ADCY2: variants seen among roughly 807,000 people sequenced by gnomAD.
ADCY2 encodes the protein adenylate cyclase 2, also known as adenylate cyclase type 2.
ADCY2 carries 31 observed loss-of-function variants against 125.2 expected under a neutral mutation model. That is an observed-to-expected ratio of 0.25 (90% CI 0.19 to 0.33). ADCY2 has a LOEUF of 0.33. Among genes scored for constraint, ADCY2 ranks in the 10% least tolerant of loss-of-function variants. The pLI is 1.00. For missense variants in ADCY2, 904 were observed against 1,418.2 expected, an observed-to-expected ratio of 0.64 and a Z score of 5.82; for synonymous variants, 512 against 548.4, an observed-to-expected ratio of 0.93 and a Z score of 0.93.
intron 2 of ADCY2, among the ~76,000 whole-genome samples, chr5:7,507,845 A>G (rs185434110): frequency 5.8e-4 from 88 of 152,252 alleles, no homozygotes; most frequent in Non-Finnish European, 9.8e-4. Context: ...ACTTCAGCAG[A>G]TCATGGCCTC....
chr5:7,481,209 T>C (rs1344052792), intron 2 of ADCY2, among the ~76,000 whole-genome samples: 1 of 152,158 alleles, frequency 6.6e-6, no homozygotes, highest in East Asian at 1.9e-4. Context: ...CACTGCAGTT[T>C]TGATTTGCAT....
chr5:7,462,033 G>A (rs1168119199), intron 2 of ADCY2, among the ~76,000 whole-genome samples: 1 of 152,154 alleles, frequency 6.6e-6, no homozygotes, highest in East Asian at 1.9e-4. Flanking sequence ...TGAGAAGTGA[G>A]GATGAACGCT....
chr5:7,446,971 C>T (rs1265839981), intron 2 of ADCY2, among the ~76,000 whole-genome samples: 1 of 152,190 alleles, frequency 6.6e-6, no homozygotes, highest in Non-Finnish European at 1.5e-5. Context: ...TCCACAGACC[C>T]TGCCCTCTCA....
At chr5:7,707,424 GA>G (rs1378216995) in intron 8 of ADCY2, among the ~76,000 whole-genome samples, 1 of 152,144 alleles carries the variant, frequency 6.6e-6, no homozygotes, top group African/African-American at 2.4e-5. Flanking sequence ...ACATTTCAAA[GA>G]TATTCTCATA....
chr5:7,449,913 A>G (rs1561032421), intron 2 of ADCY2, among the ~76,000 whole-genome samples: 1 of 152,110 alleles, frequency 6.6e-6, no homozygotes, highest in African/African-American at 2.4e-5. Flanking sequence ...CTTTGATATT[A>G]TTTTAAGTGT....
chr5:7,458,218 T>C (rs1327338378), intron 2 of ADCY2, among the ~76,000 whole-genome samples: 3 of 152,162 alleles, frequency 2.0e-5, no homozygotes, highest in African/African-American at 4.8e-5. Context: ...GGGAAAAATA[T>C]ATTCTTAATT....
At chr5:7,701,096 T>A (rs900165312) in intron 7 of ADCY2, among the ~76,000 whole-genome samples, 3 of 151,830 alleles carry the variant, frequency 2.0e-5, no homozygotes, top group African/African-American at 7.3e-5. Context: ...TTGAAAAAAA[T>A]ATATTTTTTT....
intron 4 of ADCY2, among the ~76,000 whole-genome samples, chr5:7,630,496 C>G (rs1392125456): frequency 6.6e-6 from 1 of 152,114 alleles, no homozygotes; most frequent in Non-Finnish European, 1.5e-5. Context: ...GTATCAGACT[C>G]CTATTGCTGC....
At chr5:7,562,149 A>G (rs10475382) in intron 3 of ADCY2, among the ~76,000 whole-genome samples, 56,550 of 151,766 alleles carry the variant, frequency 0.37, 11,255 homozygotes, top group African/African-American at 0.42. Flanking sequence ...CTCAATTTTA[A>G]TATTTGGCGC....
At chr5:7,403,762 A>C (rs867083023) in intron 1 of ADCY2, among the ~76,000 whole-genome samples, 1 of 152,224 alleles carries the variant, frequency 6.6e-6, no homozygotes, top group Non-Finnish European at 1.5e-5. Context: ...TGTTATAGAA[A>C]TTGAGATTCA....
At chr5:7,710,171 C>T (rs1741395223) in intron 10 of ADCY2, among the ~76,000 whole-genome samples, 1 of 152,166 alleles carries the variant, frequency 6.6e-6, no homozygotes, top group African/African-American at 2.4e-5. Context: ...CCTGGGCCCC[C>T]ACCTGTCCCA....
intron 3 of ADCY2, among the ~76,000 whole-genome samples, chr5:7,529,411 G>A (rs1191202962): frequency 6.6e-6 from 1 of 152,192 alleles, no homozygotes; most frequent in Non-Finnish European, 1.5e-5. Context: ...TTCTGTTTTT[G>A]CAGCAATAAT....
At position 7,520,200 on chromosome 5, in the gene ADCY2, G is replaced by A. The variant is rs535469796; in HGVS notation, c.409-538G>A. Reference sequence around the variant, plus strand: ...AGAACTGCTGTGTATGTTTAACTTCGAGGAATTGCCACTCTGAGTTCCCTG... The same window carrying A: ...AGAACTGCTGTGTATGTTTAACTTCAAGGAATTGCCACTCTGAGTTCCCTG... On this transcript the variant is annotated intron_variant, in intron 2 of 24. Coordinates refer to ENST00000338316, the MANE Select transcript of ADCY2 (RefSeq NM_020546.3). Among the ~76,000 whole-genome samples, 7 of 152,204 alleles carry A rather than the reference G, an allele frequency of 4.6e-5. No homozygotes were observed. The East Asian group carries it at 5.8e-4, about 13-fold the overall frequency.
At chr5:7,402,468 C>T (rs1739299838) in intron 1 of ADCY2, among the ~76,000 whole-genome samples, 1 of 152,202 alleles carries the variant, frequency 6.6e-6, no homozygotes, top group Admixed American at 6.5e-5. Flanking sequence ...TCTGCTTATA[C>T]TTCTGTCTCC....
At chr5:7,708,009 T>G (rs2126355021) in intron 9 of ADCY2, 171 bp downstream of exon 9, 1 of 712,800 alleles carries the variant, frequency 1.4e-6, no homozygotes, top group Non-Finnish European at 2.2e-6. Flanking sequence ...AATTATGAAT[T>G]CAAATACTTA....
intron 2 of ADCY2, among the ~76,000 whole-genome samples, chr5:7,513,110 G>C (rs199894229): frequency 0.02 from 1,546 of 78,118 alleles, 8 homozygotes; most frequent in South Asian, 0.044. Context: ...CACACACAGA[G>C]AGAGAGAGAG....
At chr5:7,826,496 T>G in intron 24 of ADCY2, 1 of 664,374 alleles carries the variant, frequency 1.5e-6, no homozygotes, top group Non-Finnish European at 2.7e-6. Context: ...ACTTGAATTT[T>G]AGGTTGTTTC....
chr5:7,481,225 C>T (rs1172696143), intron 2 of ADCY2, among the ~76,000 whole-genome samples: 2 of 152,134 alleles, frequency 1.3e-5, no homozygotes, highest in East Asian at 1.9e-4. Context: ...TGCATTTCTC[C>T]GATAATGAAT....
intron 2 of ADCY2, among the ~76,000 whole-genome samples, chr5:7,430,554 T>TATACTATATATATATAGTATATC (rs1561021445): frequency 8.1e-5 from 12 of 148,010 alleles, no homozygotes; most frequent in African/African-American, 2.7e-4. Flanking sequence ...TATAGTATAT[T>TATACTATATATATATAGTATATC]GATATACTAT....
Sources: allele counts gnomAD v4.1 joint callset (sites outside exome capture counted in the v4.1 genomes callset), GRCh38; gene constraint gnomAD v4.1.1; transcripts MANE v1.5; gene names NCBI Gene and HGNC (gene_info 2026-07-23, HGNC 2026-07-21).